The following VPS13B variants were observed in gnomAD, a reference collection of about 807,000 sequenced individuals.
VPS13B encodes the protein vacuolar protein sorting 13 homolog B.
A neutral mutation model predicts 426.4 loss-of-function variants in VPS13B; 285 were observed. The ratio of observed to expected loss-of-function variants is 0.67; its 90% confidence interval spans 0.61 to 0.74. VPS13B has a LOEUF of 0.74. Among genes scored for constraint, VPS13B ranks in the 30% least tolerant of loss-of-function variants. The pLI is 0.00. For missense variants in VPS13B, 4,537 were observed against 4,782.6 expected (o/e 0.95, Z 1.51); for synonymous variants, 1,676 against 1,676.4 (o/e 1.00, Z 0.01).
intron 47 of VPS13B, 33 bp downstream of exon 47, chr8:99,818,921 T>A (rs1332124412): frequency 1.2e-6 from 2 of 1,608,080 alleles, no homozygotes; most frequent in South Asian, 2.2e-5. Flanking sequence ...CATTTTACAT[T>A]TTCCTAGGAG....
intron 3 of VPS13B, among the ~76,000 whole-genome samples, chr8:99,041,723 G>A (rs868073404): frequency 3.3e-5 from 5 of 152,062 alleles, no homozygotes; most frequent in Middle Eastern, 3.4e-3. Flanking sequence ...CGTGGTGGCC[G>A]GCGCCTGTAG....
At chr8:99,618,266 C>T in intron 33 of VPS13B, among the ~76,000 whole-genome samples, 1 of 141,794 alleles carries the variant, frequency 7.1e-6, no homozygotes, top group Admixed American at 7.5e-5. Flanking sequence ...TATAATAATT[C>T]TTCATGTGTA....
chr8:99,482,994 C>T (rs1459559599), intron 25 of VPS13B, among the ~76,000 whole-genome samples: 1 of 151,980 alleles, frequency 6.6e-6, no homozygotes, highest in Non-Finnish European at 1.5e-5. Context: ...TAGAAGTTAA[C>T]GTTTTTTTGT....
intron 24 of VPS13B, among the ~76,000 whole-genome samples, chr8:99,478,461 T>TTTTGTTTTTTTTTTTTG (rs1819847915): frequency 8.1e-6 from 1 of 122,922 alleles, no homozygotes. Flanking sequence ...TTTTTTTTTT[T>TTTTGTTTTTTTTTTTTG]TTTTGTTTTT....
At chr8:99,749,075 G>A (rs780880988) in intron 39 of VPS13B, among the ~76,000 whole-genome samples, 6 of 151,884 alleles carry the variant, frequency 4.0e-5, no homozygotes, top group East Asian at 3.9e-4. Context: ...TTGAAATTCC[G>A]AGTAGTTAGA....
intron 16 of VPS13B, among the ~76,000 whole-genome samples, chr8:99,185,963 C>T (rs926445906): frequency 2.0e-5 from 3 of 152,074 alleles, no homozygotes; most frequent in Non-Finnish European, 4.4e-5. Context: ...CAGTCAAGAC[C>T]TACTTGTTTC....
At chr8:99,147,048 A>G (rs549677098) in intron 13 of VPS13B, among the ~76,000 whole-genome samples, 29 of 152,242 alleles carry the variant, frequency 1.9e-4, no homozygotes, top group Admixed American at 2.0e-4. Flanking sequence ...TTGGGTCACC[A>G]TTATAGTGTG....
At chr8:99,787,570 C>T (rs1425437860) in intron 43 of VPS13B, among the ~76,000 whole-genome samples, 1 of 152,130 alleles carries the variant, frequency 6.6e-6, no homozygotes, top group Non-Finnish European at 1.5e-5. Flanking sequence ...AGAACAATAA[C>T]CAGCAAGGGA....
At chr8:99,800,784 A>G in intron 43 of VPS13B, among the ~76,000 whole-genome samples, 1 of 152,166 alleles carries the variant, frequency 6.6e-6, no homozygotes, top group African/African-American at 2.4e-5. Context: ...ATAAAAATCC[A>G]TAAATAAATT....
intron 43 of VPS13B, among the ~76,000 whole-genome samples, chr8:99,795,812 C>G (rs1018131592): frequency 1.3e-5 from 2 of 152,212 alleles, no homozygotes; most frequent in Non-Finnish European, 2.9e-5. Context: ...AATCTCATGA[C>G]ATAGCAGCTG....
chr8:99,261,232 A>G (rs142635543), intron 17 of VPS13B, among the ~76,000 whole-genome samples: 1 of 152,208 alleles, frequency 6.6e-6, no homozygotes, highest in Non-Finnish European at 1.5e-5. Flanking sequence ...TTATCATATC[A>G]TATAGAATGT....
intron 19 of VPS13B, among the ~76,000 whole-genome samples, chr8:99,288,537 T>C (rs1819563039): frequency 6.6e-6 from 1 of 151,808 alleles, no homozygotes; most frequent in Non-Finnish European, 1.5e-5. Context: ...AGTCACAGAG[T>C]CTATAGCTCA....
chr8:99,399,135 GTCTA>G lies in VPS13B; in HGVS notation c.3082+7436_3082+7439del, dbSNP rs1814902797. Among the ~76,000 whole-genome samples the G allele has an allele frequency of 2.6e-5, 4 of 152,154 alleles. No individual in the cohort carries two copies. In the South Asian group the frequency reaches 8.3e-4, roughly 32 times the overall value. ...AGAAAAAGGTTGAAAATAAAATAAAGTCTATCTAATGAAGTACATCTAAAGTAAA... is the reference window on the plus strand; with the variant it reads ...AGAAAAAGGTTGAAAATAAAATAAAGTCTAATGAAGTACATCTAAAGTAAA... On this transcript the variant is annotated intron_variant, in intron 21 of 61. Transcript: ENST00000357162.
intron 25 of VPS13B, among the ~76,000 whole-genome samples, chr8:99,499,773 A>C (rs1436914806): frequency 6.6e-6 from 1 of 152,148 alleles, no homozygotes; most frequent in Non-Finnish European, 1.5e-5. Flanking sequence ...ACAAAGAGTA[A>C]CTATACTGTC....
At position 99,831,076 on chromosome 8, in the gene VPS13B, C is replaced by CTTTTTTTTTTT. The variant is rs773817774; in HGVS notation, c.9331-1289_9331-1279dup. Among the ~76,000 whole-genome samples, 490 of 120,034 alleles carry CTTTTTTTTTTT rather than the reference C, an allele frequency of 4.1e-3. 38 individuals are homozygous for CTTTTTTTTTTT. The highest frequency in any genetic ancestry group is 0.012 in the African/African-American group (369 of 31,256). The allele number at this position is 120,034 out of a possible 152,430, so 78.7% of individuals were successfully genotyped here. A position where few individuals can be genotyped will look rare whatever the true frequency, so the allele number is the denominator to read the frequency against. On this transcript the variant is annotated intron_variant, in intron 51 of 61. Transcript: ENST00000357162. Reference sequence around the variant, plus strand: ...CTTGCCCGGGAATTGGTGTTTTTTTCTTTTTTTTTTTTTTGAGATAGAGTC... The same window carrying CTTTTTTTTTTT: ...CTTGCCCGGGAATTGGTGTTTTTTTCTTTTTTTTTTTTTTTTTTTTTTTTTGAGATAGAGTC...
intron 22 of VPS13B, among the ~76,000 whole-genome samples, chr8:99,432,763 T>C (rs987864247): frequency 6.6e-6 from 1 of 151,582 alleles, no homozygotes; most frequent in Non-Finnish European, 1.5e-5. Flanking sequence ...TATTGGAGAG[T>C]TTTTTCTTGT....
At chr8:99,492,979 G>C (rs1820697627) in intron 25 of VPS13B, among the ~76,000 whole-genome samples, 1 of 152,148 alleles carries the variant, frequency 6.6e-6, no homozygotes, top group Admixed American at 6.5e-5. Context: ...GGCTAGAGCT[G>C]TTCCTATTCT....
At chr8:99,294,502 G>A in intron 19 of VPS13B, among the ~76,000 whole-genome samples, 1 of 149,674 alleles carries the variant, frequency 6.7e-6, no homozygotes. Context: ...TAACTAACCT[G>A]CACAATGTGC....
intron 25 of VPS13B, among the ~76,000 whole-genome samples, chr8:99,496,938 C>G (rs901863933): frequency 6.6e-6 from 1 of 150,894 alleles, no homozygotes; most frequent in Admixed American, 6.6e-5. Flanking sequence ...TTCATTTTAA[C>G]TTTTTCTGTG....
Sources: allele counts gnomAD v4.1 joint callset (sites outside exome capture counted in the v4.1 genomes callset), GRCh38; gene constraint gnomAD v4.1.1; transcripts MANE v1.5; gene names NCBI Gene and HGNC (gene_info 2026-07-23, HGNC 2026-07-21).